The following FHIT variants were observed in gnomAD, a reference collection of about 807,000 sequenced individuals.
FHIT encodes bis(5'-adenosyl)-triphosphatase.
A neutral mutation model predicts 17.9 loss-of-function variants in FHIT; 19 were observed. The ratio of observed to expected loss-of-function variants is 1.06; its 90% CI spans 0.74 to 1.56. FHIT has a LOEUF of 1.56. Among genes scored for constraint, FHIT ranks in the 40% most tolerant of loss-of-function variants. FHIT has a pLI of 0.00. For synonymous variants in FHIT, 81 were observed against 69.7 expected, an observed-to-expected ratio of 1.16 and a Z score of -0.81; for missense variants, 248 against 189.2, an observed-to-expected ratio of 1.31 and a Z score of -1.82.
At chr3:60,092,901 C>G (rs966224015) in intron 5 of FHIT, among the ~76,000 whole-genome samples, 16 of 152,132 alleles carry the variant, frequency 1.1e-4, no homozygotes, top group African/African-American at 3.4e-4. Flanking sequence ...TCTGTTCAAA[C>G]TAAACATATT....
At chr3:60,608,975 A>C (rs948509320) in intron 4 of FHIT, among the ~76,000 whole-genome samples, 9 of 152,060 alleles carry the variant, frequency 5.9e-5, no homozygotes, top group African/African-American at 1.9e-4. Flanking sequence ...AGTTGATTCA[A>C]ATAAATATTA....
intron 4 of FHIT, among the ~76,000 whole-genome samples, chr3:60,573,857 T>C (rs1553656630): frequency 2.0e-5 from 3 of 152,262 alleles, no homozygotes; most frequent in African/African-American, 7.2e-5. Context: ...TCACCCAGGC[T>C]GGGGCGCAGT....
At chr3:59,858,079 A>T (rs1702243856) in intron 8 of FHIT, among the ~76,000 whole-genome samples, 1 of 152,116 alleles carries the variant, frequency 6.6e-6, no homozygotes, top group Non-Finnish European at 1.5e-5. Context: ...GGAGACAAGT[A>T]AGTAATGCAG....
intron 3 of FHIT, among the ~76,000 whole-genome samples, chr3:60,875,290 C>G (rs1441553079): frequency 6.6e-6 from 1 of 151,786 alleles, no homozygotes; most frequent in Non-Finnish European, 1.5e-5. Context: ...ATTCCCCATC[C>G]TAGAATTCTA....
intron 3 of FHIT, among the ~76,000 whole-genome samples, chr3:60,932,837 C>T (rs1159275761): frequency 6.6e-6 from 1 of 152,104 alleles, no homozygotes; most frequent in Non-Finnish European, 1.5e-5. Flanking sequence ...TTGGTACCTC[C>T]TCCTCTCTAG....
At chr3:59,969,901 T>C (rs1708099406) in intron 7 of FHIT, among the ~76,000 whole-genome samples, 1 of 152,132 alleles carries the variant, frequency 6.6e-6, no homozygotes, top group South Asian at 2.1e-4. Context: ...TAACTGGCCT[T>C]GGGAATTTCA....
intron 4 of FHIT, among the ~76,000 whole-genome samples, chr3:60,814,563 T>A (rs781983497): frequency 1.3e-5 from 2 of 152,188 alleles, no homozygotes; most frequent in Non-Finnish European, 2.9e-5. Context: ...CTGCATAATA[T>A]CCCATGATAT....
At chr3:60,893,408 T>C (rs1040836393) in intron 3 of FHIT, among the ~76,000 whole-genome samples, 1 of 152,202 alleles carries the variant, frequency 6.6e-6, no homozygotes, top group Non-Finnish European at 1.5e-5. Flanking sequence ...CTGTCTTTTG[T>C]TATAGAGCCC....
chr3:60,180,568 T>C (rs146599758), intron 5 of FHIT, among the ~76,000 whole-genome samples: 1 of 152,208 alleles, frequency 6.6e-6, no homozygotes. Flanking sequence ...AACAGCTTCA[T>C]TTTAAAAAAT....
intron 2 of FHIT, among the ~76,000 whole-genome samples, chr3:61,170,559 G>T (rs2037973625): frequency 6.6e-6 from 1 of 151,948 alleles, no homozygotes; most frequent in Non-Finnish European, 1.5e-5. Flanking sequence ...AGTGTGTGTT[G>T]TTCCCCTCTA....
rs565970588 is a variant in FHIT at position 60,714,628 on chromosome 3, T to G, written c.-18+107291A>C. Reference sequence around the variant, plus strand: ...AATGTACAAAAATCACAAGCATTCTTATACACCAATGACAGACAAACAGAG... The same window carrying G: ...AATGTACAAAAATCACAAGCATTCTGATACACCAATGACAGACAAACAGAG... On this transcript the variant is annotated intron_variant, in intron 4 of 9. Transcript: ENST00000492590. Among the ~76,000 whole-genome samples the G allele has an allele frequency of 1.6e-3, 247 of 152,276 alleles. 1 individual carries two copies. The highest frequency in any genetic ancestry group is 4.4e-3 in the African/African-American group (181 of 41,544).
chr3:60,827,780 G>A (rs1702181174), intron 3 of FHIT, among the ~76,000 whole-genome samples: 1 of 152,238 alleles, frequency 6.6e-6, no homozygotes, highest in African/African-American at 2.4e-5. Flanking sequence ...TCCACTGATA[G>A]TGAAAGGAAA....
intron 3 of FHIT, among the ~76,000 whole-genome samples, chr3:60,908,582 T>C (rs17064182): frequency 0.019 from 2,805 of 151,016 alleles, 88 homozygotes; most frequent in African/African-American, 0.065. Flanking sequence ...CAAAAAGCTA[T>C]GGAGAAGAGA....
Position 61,202,770 on chromosome 3 carries a change from G to C in FHIT, c.-212-2105C>G, listed in dbSNP as rs539099152. On this transcript the variant is annotated intron_variant, in intron 1 of 9. Coordinates refer to ENST00000492590, the MANE Select transcript of FHIT (RefSeq NM_002012.4). ...TAGCAAAAATGAAAGTAAAGCAACA[G>C]TGCGGACACTGTGTCTCACGCCTGT... 1.3e-4 allele frequency among the ~76,000 whole-genome samples: 20 copies of C among 152,272 alleles called. 1 individual carries two copies. In the South Asian group the frequency reaches 3.9e-3, roughly 30 times the overall value.
chr3:60,781,132 G>A (rs1700372826), intron 4 of FHIT, among the ~76,000 whole-genome samples: 1 of 152,172 alleles, frequency 6.6e-6, no homozygotes, highest in Non-Finnish European at 1.5e-5. Flanking sequence ...GGAGGGAGAA[G>A]GCCAAAGCAC....
chr3:60,321,415 G>T (rs1459590883), intron 5 of FHIT, among the ~76,000 whole-genome samples: 1 of 152,252 alleles, frequency 6.6e-6, no homozygotes, highest in South Asian at 2.1e-4. Flanking sequence ...GGTCAAGTCT[G>T]CAGAGAGCCA....
chr3:60,389,518 G>A (rs948593424), intron 5 of FHIT, among the ~76,000 whole-genome samples: 2 of 152,142 alleles, frequency 1.3e-5, no homozygotes, highest in African/African-American at 4.8e-5. Flanking sequence ...TCTAAAATGA[G>A]TGTCTGGCTT....
At chr3:61,080,280 T>G (rs1478856958) in intron 2 of FHIT, among the ~76,000 whole-genome samples, 1 of 152,164 alleles carries the variant, frequency 6.6e-6, no homozygotes, top group Non-Finnish European at 1.5e-5. Flanking sequence ...GCCATTCAAG[T>G]TGTCATTTAG....
At position 60,650,194 on chromosome 3, in the gene FHIT, C is replaced by T. The variant is rs181488715; in HGVS notation, c.-17-113215G>A. On this transcript the variant is annotated intron_variant, in intron 4 of 9. Transcript: ENST00000492590. ...TGTAAAAGTATTAATTCAAAAAACC[C>T]ATGTTCTCTGCTTAAAGCACAGAAT... is the stretch of plus-strand genomic sequence containing the variant. Among the ~76,000 whole-genome samples, 7 of 152,278 alleles carry T rather than the reference C, an allele frequency of 4.6e-5. No homozygotes were observed. In the East Asian group the frequency reaches 1.3e-3, roughly 29 times the overall value.
Sources: allele counts gnomAD v4.1 joint callset (sites outside exome capture counted in the v4.1 genomes callset), GRCh38; gene constraint gnomAD v4.1.1; transcripts MANE v1.5; gene names NCBI Gene and HGNC (gene_info 2026-07-23, HGNC 2026-07-21).